The following UBAP2L variants were observed in gnomAD, a reference collection of about 807,000 sequenced individuals.
UBAP2L encodes ubiquitin associated protein 2 like.
Under a neutral mutation model 130.6 loss-of-function variants are expected in UBAP2L, and 12 were observed. The ratio of observed to expected loss-of-function variants is 0.09; its 90% CI spans 0.06 to 0.15. The LOEUF is 0.15. Among genes scored for constraint, UBAP2L ranks in the 10% least tolerant of loss-of-function variants. The pLI is 1.00. For missense variants in UBAP2L, 965 were observed against 1,332.5 expected, an observed-to-expected ratio of 0.72 and a Z score of 4.29; for synonymous variants, 503 against 524.7, an observed-to-expected ratio of 0.96 and a Z score of 0.57.
intron 1 of UBAP2L, among the ~76,000 whole-genome samples, chr1:154,222,023 A>T (rs1406104575): frequency 6.6e-6 from 1 of 152,218 alleles, no homozygotes; most frequent in Non-Finnish European, 1.5e-5. Flanking sequence ...CTTTTCCACC[A>T]TTCTTGAAAT....
At chr1:154,240,545 T>C (rs1673187356) in intron 8 of UBAP2L, among the ~76,000 whole-genome samples, 1 of 152,194 alleles carries the variant, frequency 6.6e-6, no homozygotes, top group Non-Finnish European at 1.5e-5. Context: ...TTTTTCAGTC[T>C]TGTTCATTGT....
At chr1:154,263,047 C>G (rs1366000375) in intron 24 of UBAP2L, 1 of 1,534,308 alleles carries the variant, frequency 6.5e-7, no homozygotes. Flanking sequence ...TTCCCAACCC[C>G]ACAAAGGGCT....
intron 8 of UBAP2L, among the ~76,000 whole-genome samples, chr1:154,239,437 C>A (rs1200409554): frequency 4.6e-5 from 7 of 152,104 alleles, no homozygotes; most frequent in Admixed American, 3.3e-4. Context: ...TCTCTTTCTG[C>A]CTTTTTCTCT....
In UBAP2L at chr1:154,270,810, GATTA is replaced by G. The variant is rs1161432113; in HGVS notation, c.*518_*521del. ...TTGTACTGTGTCCTCAAATTTAATGGATTAATGTGTCTTGTATATATAAAAAGAA... is the reference window on the plus strand; with the variant it reads ...TTGTACTGTGTCCTCAAATTTAATGGATGTGTCTTGTATATATAAAAAGAA... On this transcript the variant is annotated 3_prime_UTR_variant, in exon 27 of 27. Coordinates refer to ENST00000428931, the MANE Select transcript of UBAP2L (RefSeq NM_014847.4). 9.1e-7 allele frequency: 1 copy of G among 1,104,912 alleles called. No homozygotes were observed. The highest frequency in any genetic ancestry group is 1.2e-6 in the Non-Finnish European group (1 of 837,690). 68.4% of individuals were successfully genotyped at this position (1,104,912 alleles called of 1,614,324 possible).
chr1:154,261,935 T>C (rs971325157), intron 24 of UBAP2L, among the ~76,000 whole-genome samples: 7 of 152,146 alleles, frequency 4.6e-5, no homozygotes, highest in African/African-American at 1.7e-4. Context: ...TGTGTTGGTT[T>C]TTAGAATATG....
chr1:154,228,575 A>G (rs772155495), intron 3 of UBAP2L, 40 bp from the exon 4 acceptor site: 6 of 1,477,406 alleles, frequency 4.1e-6, no homozygotes, highest in South Asian at 3.4e-5. Flanking sequence ...GAGTGTGAGC[A>G]TAAGCCTGTT....
At chr1:154,227,821 T>G (rs1382999901) in intron 3 of UBAP2L, among the ~76,000 whole-genome samples, 1 of 152,170 alleles carries the variant, frequency 6.6e-6, no homozygotes, top group Admixed American at 6.5e-5. Flanking sequence ...GTGCTGGGAT[T>G]ACAGGTGTGA....
intron 26 of UBAP2L, chr1:154,269,565 C>A: frequency 2.2e-6 from 1 of 448,070 alleles, no homozygotes; most frequent in Non-Finnish European, 4.1e-6. Flanking sequence ...TCCCCTTCCT[C>A]TCTCCTCCTC....
intron 25 of UBAP2L, 93 bp from the exon 26 acceptor site, chr1:154,268,664 C>T: frequency 7.8e-7 from 1 of 1,286,108 alleles, no homozygotes; most frequent in East Asian, 2.3e-5. Context: ...CACCATGCTG[C>T]TTTCTGAGGG....
In UBAP2L at chr1:154,261,090, A is replaced by T. The variant is rs1487201359; in HGVS notation, c.2777A>T (p.Tyr926Phe). Reference sequence around the variant, plus strand: ...CCGGGCCTCCCCAGCACCTTCCAGTATGGGCCTGCTGTGTTCCCTGTGAGT... The same window carrying T: ...CCGGGCCTCCCCAGCACCTTCCAGTTTGGGCCTGCTGTGTTCCCTGTGAGT... Reference protein sequence around the residue: ...GVPGLPSTFQYGPAVFPVAPT... With the variant: ...GVPGLPSTFQFGPAVFPVAPT... Residue 926 changes from tyrosine to phenylalanine, a missense_variant, in exon 23 of 27, where the codon TAT becomes TTT. Physicochemically the swap from Tyr to Phe is conservative, Grantham distance 22 (BLOSUM62 3). Around this residue, in one of 9 missense-constraint regions of UBAP2L, gnomAD observed 194 missense variants for 334.0 expected, o/e 0.58. Coordinates refer to ENST00000428931, the MANE Select transcript of UBAP2L (RefSeq NM_014847.4). The T allele has an allele frequency of 3.7e-6, 6 of 1,614,116 alleles. No homozygotes were observed. The highest frequency in any genetic ancestry group is 4.2e-6 in the Non-Finnish European group (5 of 1,179,978).
At chr1:154,265,094 A>C (rs1553283311) in intron 24 of UBAP2L, among the ~76,000 whole-genome samples, 1 of 152,186 alleles carries the variant, frequency 6.6e-6, no homozygotes, top group Non-Finnish European at 1.5e-5. Context: ...GGTTTTCTGT[A>C]GTTCCGTTAT....
At position 154,270,810 on chromosome 1, in the gene UBAP2L, G is replaced by C; in HGVS notation, c.*515G>C. On this transcript the variant is annotated 3_prime_UTR_variant, in exon 27 of 27. Transcript: ENST00000428931. ...TTGTACTGTGTCCTCAAATTTAATG[G>C]ATTAATGTGTCTTGTATATATAAAA... 9.1e-7 allele frequency: 1 copy of C among 1,104,912 alleles called. No individual in the cohort carries two copies. Among genetic ancestry groups the C allele is most frequent in the Non-Finnish European group, 1.2e-6 (1 of 837,690 alleles). The allele number at this position is 1,104,912 out of a possible 1,614,324, so 68.4% of individuals were successfully genotyped here.
intron 15 of UBAP2L, 37 bp from the exon 16 acceptor site, chr1:154,254,799 C>T (rs1679059865): frequency 1.9e-6 from 3 of 1,580,604 alleles, no homozygotes; most frequent in Non-Finnish European, 2.6e-6. Context: ...ATGAGTTTGT[C>T]TGTTTCTTGC....
At chr1:154,252,573 G>T (rs781147834) in intron 14 of UBAP2L, among the ~76,000 whole-genome samples, 11 of 151,040 alleles carry the variant, frequency 7.3e-5, no homozygotes, top group African/African-American at 2.7e-4. Context: ...GAGGCACCAC[G>T]CCTGGCTCAG....
chr1:154,260,870 C>T (rs1681347129), intron 22 of UBAP2L, 22 bp from the exon 23 acceptor site: 1 of 1,611,612 alleles, frequency 6.2e-7, no homozygotes. Context: ...GAGGCAGGTA[C>T]ATTTAGCTTC....
rs567837997 is a variant in UBAP2L, at chr1:154,225,032, A to G, written c.-40-52A>G. On this transcript the variant is annotated intron_variant, in intron 1 of 26. Transcript: ENST00000428931. ...TGGTGAAGGTGCTGATGAGAGAGTT[A>G]AAAACATATTTTGCCCACATTTAAT... The G allele has an allele frequency of 5.5e-6, 7 of 1,280,130 alleles. No individual in the cohort carries two copies. The East Asian group carries it at 9.9e-5, about 18-fold the overall frequency. 79.3% of individuals were successfully genotyped at this position (1,280,130 alleles called of 1,614,324 possible). A position where few individuals can be genotyped will look rare whatever the true frequency, so the allele number is the denominator to read the frequency against.
Position 154,224,745 on chromosome 1 carries a change from T to C in UBAP2L, c.-40-339T>C, listed in dbSNP as rs192676227. Among the ~76,000 whole-genome samples, 230 of 152,364 alleles carry C rather than the reference T, an allele frequency of 1.5e-3. 1 individual carries two copies. The highest frequency in any genetic ancestry group is 5.3e-3 in the African/African-American group (219 of 41,582). On this transcript the variant is annotated intron_variant, in intron 1 of 26. Transcript: ENST00000428931. ...AGACTTTACTGATTATCTTTCCTTC[T>C]GTCAAAGGTACTTCAGATACTTGCA...
rs200423359 is a variant in UBAP2L, at chr1:154,266,528, G to A, written c.2930G>A (p.Gly977Asp). 1 of 1,614,192 alleles carries A rather than the reference G, an allele frequency of 6.2e-7. No individual in the cohort carries two copies. The highest frequency in any genetic ancestry group is 8.5e-7 in the Non-Finnish European group (1 of 1,180,036). The change falls in exon 25 of 27, where the codon GGC (glycine) becomes GAC (aspartate). Residue 977 changes from glycine to aspartate, a missense_variant. Transcript: ENST00000428931. ...GTTTCAGTCACCTCCAGTAACACGGGCGTGCCAGATATCTCGGGTTCTGTG... is the reference window on the plus strand; with the variant it reads ...GTTTCAGTCACCTCCAGTAACACGGACGTGCCAGATATCTCGGGTTCTGTG... ...TGVSVTSSNT[G>D]VPDISGSVYS... is the part of the protein sequence containing the mutation.
chr1:154,257,290 G>A, intron 19 of UBAP2L, 32 bp downstream of exon 19: 5 of 1,614,122 alleles, frequency 3.1e-6, no homozygotes, highest in Non-Finnish European at 3.4e-6. Flanking sequence ...GCATTCCTCT[G>A]GGATGGAGGA....
Sources: gnomAD v4.1 joint callset for allele counts (sites outside exome capture counted in the v4.1 genomes callset) on GRCh38, gnomAD v4.1.1 for gene constraint, gnomAD v4.1.1 regional missense constraint, MANE v1.5 for transcripts, NCBI Gene and HGNC (gene_info 2026-07-23, HGNC 2026-07-21) for gene names.